The following PPM1H variants were observed in gnomAD, a reference collection of about 807,000 sequenced individuals.
PPM1H encodes protein phosphatase 1H.
PPM1H carries 27 observed loss-of-function variants against 54.9 expected under a neutral mutation model. The observed-to-expected ratio is 0.49, with a 90% CI of 0.36 to 0.68. The LOEUF (loss-of-function observed/expected upper bound fraction) is 0.68, where lower values mean the gene tolerates loss of function less well. Ranked by LOEUF, PPM1H falls within the 30% of genes least tolerant of loss-of-function variation. The pLI, the probability that PPM1H is intolerant of heterozygous loss-of-function variation, is 0.00. For missense variants in PPM1H, 596 were observed against 667.8 expected (o/e 0.89, Z 1.19); for synonymous variants, 305 against 270.8 (o/e 1.13, Z -1.24).
chr12:62,859,449 T>A (rs1164316914), intron 1 of PPM1H, among the ~76,000 whole-genome samples: 2 of 152,218 alleles, frequency 1.3e-5, no homozygotes, highest in African/African-American at 2.4e-5. Context: ...TGGTGCATTA[T>A]CTTTAATAAT....
intron 8 of PPM1H, among the ~76,000 whole-genome samples, chr12:62,679,699 T>C (rs1379725242): frequency 6.6e-6 from 1 of 152,216 alleles, no homozygotes; most frequent in African/African-American, 2.4e-5. Flanking sequence ...AAATGTTTCC[T>C]GATTGCAACC....
chr12:62,812,607 T>A (rs1482599778), intron 2 of PPM1H, among the ~76,000 whole-genome samples: 3 of 152,038 alleles, frequency 2.0e-5, no homozygotes, highest in Non-Finnish European at 4.4e-5. Context: ...CAGGAATACA[T>A]CTGCAGCCTG....
intron 8 of PPM1H, among the ~76,000 whole-genome samples, chr12:62,686,066 C>G (rs371792148): frequency 2.0e-5 from 3 of 152,196 alleles, no homozygotes; most frequent in Non-Finnish European, 4.4e-5. Context: ...TCCACTCCCA[C>G]GAATGCTGAA....
At chr12:62,810,783 C>A (rs377469933) in intron 2 of PPM1H, among the ~76,000 whole-genome samples, 18 of 152,274 alleles carry the variant, frequency 1.2e-4, no homozygotes, top group African/African-American at 4.3e-4. Context: ...TACTATGTGA[C>A]CTTGGGGAAG....
chr12:62,803,766 G>T (rs887002697), intron 2 of PPM1H, among the ~76,000 whole-genome samples: 7 of 152,148 alleles, frequency 4.6e-5, no homozygotes, highest in Non-Finnish European at 1.0e-4. Context: ...AAGGTAGGTA[G>T]CCTATGGCAT....
intron 1 of PPM1H, among the ~76,000 whole-genome samples, chr12:62,866,276 G>A (rs1344870274): frequency 2.0e-5 from 3 of 149,278 alleles, no homozygotes; most frequent in Non-Finnish European, 4.5e-5. Context: ...AGGGTTTGGA[G>A]CACTGACTTT....
intron 8 of PPM1H, among the ~76,000 whole-genome samples, chr12:62,669,480 C>T (rs916739825): frequency 7.2e-5 from 11 of 152,096 alleles, no homozygotes; most frequent in African/African-American, 1.9e-4. Context: ...GACCGGGCCC[C>T]GAGTAGCAAG....
At chr12:62,803,004 T>C (rs943679479) in intron 2 of PPM1H, among the ~76,000 whole-genome samples, 1 of 152,138 alleles carries the variant, frequency 6.6e-6, no homozygotes, top group South Asian at 2.1e-4. Context: ...CATTTTCCCC[T>C]TTTAGAGCCC....
Position 62,645,257 on chromosome 12 carries a change from A to T in PPM1H, c.*3232T>A, listed in dbSNP as rs2075778661. ...CCTGTGGCTGTCATTCTTCCCTGGA[A>T]GTGAATGAATACTGAGAACACAGTA... On this transcript the variant is annotated 3_prime_UTR_variant, in exon 10 of 10. Transcript: ENST00000228705. The T allele has an allele frequency of 6.6e-6, 1 of 152,216 alleles. No individual in the cohort carries two copies. The highest frequency in any genetic ancestry group is 1.5e-5 in the Non-Finnish European group (1 of 68,050). The allele number at this position is 152,216 out of a possible 1,614,324, so 9.4% of individuals were successfully genotyped here. A position where few individuals can be genotyped will look rare whatever the true frequency, so the allele number is the denominator to read the frequency against.
At chr12:62,842,505 T>C (rs1486471502) in intron 1 of PPM1H, among the ~76,000 whole-genome samples, 1 of 152,150 alleles carries the variant, frequency 6.6e-6, no homozygotes, top group Non-Finnish European at 1.5e-5. Context: ...AGATAAAACA[T>C]ATACATTTTT....
chr12:62,659,346 T>A, intron 9 of PPM1H: 2 of 448,348 alleles, frequency 4.5e-6, no homozygotes, highest in Non-Finnish European at 8.1e-6. Context: ...GCCTTTTAAT[T>A]TTCTGGTTCC....
chr12:62,764,848 G>C (rs887142015), intron 4 of PPM1H, among the ~76,000 whole-genome samples: 2 of 152,238 alleles, frequency 1.3e-5, no homozygotes, highest in Non-Finnish European at 2.9e-5. Flanking sequence ...GATGGAGGGA[G>C]AGAAGTTCAG....
chr12:62,851,553 A>C (rs1050494047), intron 1 of PPM1H, among the ~76,000 whole-genome samples: 4 of 152,100 alleles, frequency 2.6e-5, no homozygotes, highest in African/African-American at 7.2e-5. Context: ...AAATACAAAA[A>C]TTAGCCAGGC....
chr12:62,745,337 C>T (rs1160565956), intron 4 of PPM1H, among the ~76,000 whole-genome samples: 1 of 152,190 alleles, frequency 6.6e-6, no homozygotes, highest in Non-Finnish European at 1.5e-5. Flanking sequence ...GCTGGGATTA[C>T]AGGCATGAGC....
intron 8 of PPM1H, among the ~76,000 whole-genome samples, chr12:62,677,039 CCCAGACTCAG>C (rs1317572145): frequency 1.3e-5 from 2 of 152,154 alleles, no homozygotes; most frequent in Admixed American, 6.5e-5. Context: ...CTGTAAAAAC[CCCAGACTCAG>C]CCAGACTCAC....
At chr12:62,654,633 C>T (rs1006901802) in intron 9 of PPM1H, among the ~76,000 whole-genome samples, 5 of 152,210 alleles carry the variant, frequency 3.3e-5, no homozygotes, top group East Asian at 3.8e-4. Flanking sequence ...AAACTTGCCT[C>T]GGTCTCTCAC....
chr12:62,690,975 C>CAACA (rs778403409), intron 7 of PPM1H, among the ~76,000 whole-genome samples: 4 of 151,726 alleles, frequency 2.6e-5, no homozygotes, highest in Non-Finnish European at 5.9e-5. Flanking sequence ...AGTCTCAAAC[C>CAACA]AACAAACAAA....
chr12:62,831,984 C>T, intron 2 of PPM1H, 130 bp downstream of exon 2: 1 of 1,101,228 alleles, frequency 9.1e-7, no homozygotes, highest in Non-Finnish European at 1.3e-6. Context: ...GGCCCGCCAC[C>T]CCACTAACTC....
intron 3 of PPM1H, among the ~76,000 whole-genome samples, chr12:62,800,429 T>C (rs574611887): frequency 2.6e-5 from 4 of 152,188 alleles, no homozygotes; most frequent in African/African-American, 9.6e-5. Context: ...CTCTGCCTCC[T>C]GTATTCAAGC....
Sources: gnomAD v4.1 joint callset for allele counts (sites outside exome capture counted in the v4.1 genomes callset) on GRCh38, gnomAD v4.1.1 for gene constraint, MANE v1.5 for transcripts, NCBI Gene and HGNC (gene_info 2026-07-23, HGNC 2026-07-21) for gene names.